The following IK variants were observed in gnomAD, a reference collection of about 807,000 sequenced individuals.
IK encodes the protein IK cytokine.
Under a neutral mutation model 90.9 loss-of-function variants are expected in IK, and 47 were observed. The observed-to-expected ratio is 0.52, with a 90% confidence interval of 0.41 to 0.66. IK has a LOEUF of 0.66. Ranked by LOEUF, IK falls within the 30% of genes least tolerant of loss-of-function variation. The pLI, the probability that IK is intolerant of heterozygous loss-of-function variation, is 0.00. For missense variants in IK, 385 were observed against 709.3 expected, an observed-to-expected ratio of 0.54 and a Z score of 5.19; for synonymous variants, 201 against 227.5, an observed-to-expected ratio of 0.88 and a Z score of 1.05.
In IK at chr5:140,661,602, G is replaced by A. The variant is rs115338764; in HGVS notation, c.1414-18G>A. ...GACATCTCTTCCTTCCCCATCCCCC[G>A]ATTCTGTCCTGCAACAGGGTAACAA... On this transcript the variant is annotated intron_variant, in intron 16 of 19. Coordinates refer to ENST00000417647, the MANE Select transcript of IK (RefSeq NM_006083.4). This position sits in a 1 kb window ranked among gnomAD's most constrained non-coding sequence, Gnocchi z 4.2. 5,249 of 1,576,802 alleles carry A rather than the reference G, an allele frequency of 3.3e-3. 140 individuals carry two copies. The African/African-American group carries it at 0.06, about 18-fold the overall frequency.
Position 140,648,557 on chromosome 5 carries a change from A to G in IK, c.83+20A>G. 1 of 1,610,384 alleles carries G rather than the reference A, an allele frequency of 6.2e-7. No individual in the cohort carries two copies. The highest frequency in any genetic ancestry group is 8.5e-7 in the Non-Finnish European group (1 of 1,176,686). ...CCACCAGTGAGTATTTTGTGCTAGG[A>G]CCATGGAAATGAGTTGGGCAATGAA... is the stretch of plus-strand genomic sequence containing the variant. On this transcript the variant is annotated intron_variant, in intron 2 of 19. Coordinates refer to ENST00000417647, the MANE Select transcript of IK (RefSeq NM_006083.4).
At chr5:140,660,290 T>TTA in intron 15 of IK, 95 bp downstream of exon 15, 8 of 521,660 alleles carry the variant, frequency 1.5e-5, no homozygotes, top group Admixed American at 7.4e-5. Context: ...CCAGGGCTAC[T>TTA]TCTTTTTTTT....
rs777300592 is a variant in IK, at chr5:140,662,340, C to G, written c.*11C>G. 4 of 1,613,256 alleles carry G rather than the reference C, an allele frequency of 2.5e-6. No individual in the cohort carries two copies. In the South Asian group the frequency reaches 3.3e-5, roughly 13 times the overall value. On this transcript the variant is annotated 3_prime_UTR_variant, in exon 20 of 20. Coordinates refer to ENST00000417647, the MANE Select transcript of IK (RefSeq NM_006083.4). Reference sequence around the variant, plus strand: ...AGACCAAAATACTAATCACTAGTTACAACCAGAGATGCTCCACAAGGATAT... The same window carrying G: ...AGACCAAAATACTAATCACTAGTTAGAACCAGAGATGCTCCACAAGGATAT...
At chr5:140,653,191 C>T in intron 5 of IK, 47 bp downstream of exon 5, 1 of 1,513,974 alleles carries the variant, frequency 6.6e-7, no homozygotes, top group Non-Finnish European at 9.1e-7. Flanking sequence ...ATCCGAGAGT[C>T]ATGCAAATAC....
In IK at chr5:140,660,099, C is replaced by T; in HGVS notation, c.1275-16C>T. 6.2e-7 allele frequency: 1 copy of T among 1,610,146 alleles called. No individual in the cohort carries two copies. Among genetic ancestry groups the T allele is most frequent in the Non-Finnish European group, 8.5e-7 (1 of 1,176,698 alleles). On this transcript the variant is annotated splice_polypyrimidine_tract_variant and intron_variant, in intron 14 of 19. Transcript: ENST00000417647. The stretch of plus-strand genomic sequence containing the variant: ...TAGGTAGAATCCTGTGTAGTGTTTT[C>T]TTTAACATAGCATATGCTGAAGAAG...
At chr5:140,655,520 T>C (rs1286623114) in intron 8 of IK, among the ~76,000 whole-genome samples, 1 of 152,228 alleles carries the variant, frequency 6.6e-6, no homozygotes, top group East Asian at 1.9e-4. Context: ...ACAATACAGG[T>C]GCATAGTGCC....
rs1216483252 is a variant in IK at position 140,654,092 on chromosome 5, C to G, written c.519+40C>G. On this transcript the variant is annotated intron_variant, in intron 6 of 19. Coordinates refer to ENST00000417647, the MANE Select transcript of IK (RefSeq NM_006083.4). ...TCAGGTGGGGAGTAATACTGTCGTG[C>G]TGAATGCTCTTGTATGGGTCTGGCA... The G allele has an allele frequency of 3.5e-6, 4 of 1,138,648 alleles. No individual in the cohort carries two copies. In the East Asian group the frequency reaches 7.1e-5, roughly 20 times the overall value. 70.5% of individuals were successfully genotyped at this position (1,138,648 alleles called of 1,614,324 possible). A position where few individuals can be genotyped will look rare whatever the true frequency, so the allele number is the denominator to read the frequency against.
intron 8 of IK, 91 bp from the exon 9 acceptor site, chr5:140,655,738 C>T (rs962104454): frequency 2.2e-5 from 28 of 1,284,462 alleles, no homozygotes; most frequent in Non-Finnish European, 2.5e-5. Flanking sequence ...GCTTGCATAG[C>T]ACTTGGCATG....
At chr5:140,662,154 A>AT (rs770977057) in intron 18 of IK, 25 bp from the exon 19 acceptor site, 1 of 1,613,622 alleles carries the variant, frequency 6.2e-7, no homozygotes, top group Non-Finnish European at 8.5e-7. Flanking sequence ...CAGCTTGGTG[A>AT]TAGACTATCC....
rs1044796730 is a variant in IK, at chr5:140,662,434, T to G, written c.*105T>G. 4.9e-5 allele frequency: 61 copies of G among 1,240,476 alleles called. No individual in the cohort carries two copies. Among genetic ancestry groups the G allele is most frequent in the South Asian group, 1.2e-5 (1 of 81,000 alleles). 76.8% of individuals were successfully genotyped at this position (1,240,476 alleles called of 1,614,324 possible). A position where few individuals can be genotyped will look rare whatever the true frequency, so the allele number is the denominator to read the frequency against. ...TGTTTTTTTGTGGATGAATATAAAA[T>G]TTTATTGTGTAATTACTTGGTTCCA... is the stretch of plus-strand genomic sequence containing the variant. On this transcript the variant is annotated 3_prime_UTR_variant, in exon 20 of 20. Coordinates refer to ENST00000417647, the MANE Select transcript of IK (RefSeq NM_006083.4).
chr5:140,661,226 A>C lies in IK; in HGVS notation c.1414-394A>C. 4.0e-6 allele frequency: 1 copy of C among 251,274 alleles called. No homozygotes were observed. The highest frequency in any genetic ancestry group is 7.5e-6 in the Non-Finnish European group (1 of 132,486). The allele number at this position is 251,274 out of a possible 1,614,324, so 15.6% of individuals were successfully genotyped here. A position where few individuals can be genotyped will look rare whatever the true frequency, so the allele number is the denominator to read the frequency against. ...AAACCACTAATGCCACTAATAGTGA[A>C]GAAGTCTGTGTTCTTCCCCTGAGTT... On this transcript the variant is annotated intron_variant, in intron 16 of 19. Transcript: ENST00000417647. This position sits in a 1 kb window ranked among gnomAD's most constrained non-coding sequence, Gnocchi z 4.2.
intron 2 of IK, chr5:140,648,805 G>C (rs544234596): frequency 1.0e-4 from 43 of 427,568 alleles, no homozygotes; most frequent in Non-Finnish European, 1.8e-4. Flanking sequence ...TCTTCCAATA[G>C]CAAATTAAAA....
intron 13 of IK, 146 bp from the exon 14 acceptor site, chr5:140,659,610 C>A: frequency 1.5e-6 from 1 of 669,088 alleles, no homozygotes; most frequent in South Asian, 1.8e-5. Flanking sequence ...CTCATCTCAA[C>A]CAGAGTGACT....
At chr5:140,655,034 C>G (rs953423480) in intron 8 of IK, among the ~76,000 whole-genome samples, 6 of 151,996 alleles carry the variant, frequency 3.9e-5, no homozygotes, top group African/African-American at 1.4e-4. Context: ...AGGCCGGTCT[C>G]AAACTCCTGG....
chr5:140,660,231 T>TGATTGG, intron 15 of IK, 36 bp downstream of exon 15: 1 of 1,463,142 alleles, frequency 6.8e-7, no homozygotes, highest in Non-Finnish European at 9.5e-7. Context: ...GAGGCTGGGA[T>TGATTGG]GATTGGGAAA....
chr5:140,658,748 G>C lies in IK; in HGVS notation c.922G>C (p.Glu308Gln). The change falls in exon 11 of 20, where the codon GAG becomes CAG. Residue 308 changes from glutamate to glutamine, a missense_variant. By Grantham distance (29) the Glu-to-Gln change is conservative. This residue lies in a region of IK where 139 missense variants were observed against 172.0 expected (regional missense o/e 0.81). Coordinates refer to ENST00000417647, the MANE Select transcript of IK (RefSeq NM_006083.4). ...TCTTTAAATTTCAGGGAAGCTGGAAGAGAAGAAACCTCCTGAGGCTGACAT... is the reference window on the plus strand; with the variant it reads ...TCTTTAAATTTCAGGGAAGCTGGAACAGAAGAAACCTCCTGAGGCTGACAT... ...LKKKDKGKLE[E>Q]KKPPEADMNI... is the part of the protein sequence containing the mutation. 2 of 1,610,850 alleles carry C rather than the reference G, an allele frequency of 1.2e-6. No individual in the cohort carries two copies. Among genetic ancestry groups the C allele is most frequent in the Non-Finnish European group, 1.7e-6 (2 of 1,178,230 alleles).
At position 140,659,810 on chromosome 5, in the gene IK, C is replaced by T. The variant is rs1468955115; in HGVS notation, c.1250C>T (p.Ser417Phe). ...TCCATCAATGAAAAGTTTGCTGGGTCTGCTGGCTGGGAAGGCACAGAATCA... is the reference window on the plus strand; with the variant it reads ...TCCATCAATGAAAAGTTTGCTGGGTTTGCTGGCTGGGAAGGCACAGAATCA... ...IKSINEKFAG[S>F]AGWEGTESLK... The change falls in exon 14 of 20, where the codon TCT (serine) becomes TTT (phenylalanine). Residue 417 changes from serine (S) to phenylalanine (F), a missense_variant. This residue lies in a region of IK where 139 missense variants were observed against 172.0 expected (regional missense o/e 0.81). Coordinates refer to ENST00000417647, the MANE Select transcript of IK (RefSeq NM_006083.4). The T allele has an allele frequency of 4.4e-6, 7 of 1,599,618 alleles. No homozygotes were observed. The highest frequency in any genetic ancestry group is 6.0e-6 in the Non-Finnish European group (7 of 1,172,634).
chr5:140,659,812 G>A lies in IK; in HGVS notation c.1252G>A (p.Ala418Thr), dbSNP rs1163269110. 9 of 1,598,544 alleles carry A rather than the reference G, an allele frequency of 5.6e-6. No homozygotes were observed. The highest frequency in any genetic ancestry group is 1.3e-5 in the African/African-American group (1 of 74,718). ...KSINEKFAGS[A>T]GWEGTESLKK... ...CATCAATGAAAAGTTTGCTGGGTCT[G>A]CTGGCTGGGAAGGCACAGAATCATA... Residue 418 changes from alanine (A) to threonine (T), a missense_variant, in exon 14 of 20, where the codon GCT becomes ACT. Ala to Thr is a moderately conservative substitution (Grantham distance 58). Around this residue, in one of 8 missense-constraint regions of IK, gnomAD observed 139 missense variants for 172.0 expected, o/e 0.81. Transcript: ENST00000417647.
In IK at chr5:140,651,762, G is replaced by A; in HGVS notation, c.132G>A (p.Arg44=). 1.2e-6 allele frequency: 2 copies of A among 1,612,978 alleles called. No homozygotes were observed. The highest frequency in any genetic ancestry group is 1.1e-5 in the South Asian group (1 of 91,038). ...TCAGGAAACTTCTCATGACCCCCAG[G>A]GCTGCACCTACCTCTGCACCACCTT... The part of the protein sequence containing the change: ...EDFRKLLMTP[R]AAPTSAPPSK... The change falls in exon 3 of 20, where the codon AGG becomes AGA. Residue 44 remains arginine (R), a synonymous_variant. Transcript: ENST00000417647.
Sources: allele counts gnomAD v4.1 joint callset (sites outside exome capture counted in the v4.1 genomes callset), GRCh38; gene constraint gnomAD v4.1.1; regional missense constraint gnomAD v4.1.1; non-coding constraint Gnocchi (gnomAD v3.1); transcripts MANE v1.5; gene names NCBI Gene and HGNC (gene_info 2026-07-23, HGNC 2026-07-21).